The following DCHS2 variants were observed in gnomAD, a reference collection of about 807,000 sequenced individuals.
The protein encoded by DCHS2 is protocadherin-23.
DCHS2 carries 142 observed loss-of-function variants against 182.4 expected under a neutral mutation model. That is an observed-to-expected ratio of 0.78 (90% CI 0.68 to 0.89). The LOEUF is 0.89. Among genes scored for constraint, DCHS2 ranks in the 40% least tolerant of loss-of-function variants. DCHS2 has a pLI of 0.00. For missense variants in DCHS2, 4,319 were observed against 4,198.6 expected (o/e 1.03, Z -0.79); for synonymous variants, 1,740 against 1,663.3 (o/e 1.05, Z -1.12).
intron 1 of DCHS2, among the ~76,000 whole-genome samples, chr4:154,386,056 C>T (rs1561082824): frequency 6.6e-6 from 1 of 152,140 alleles, no homozygotes; most frequent in Non-Finnish European, 1.5e-5. Context: ...CCACTCCACC[C>T]CACAGTCTGC....
intron 5 of DCHS2, 28 bp from the exon 6 acceptor site, chr4:154,329,738 C>G: frequency 6.3e-7 from 1 of 1,587,548 alleles, no homozygotes; most frequent in Non-Finnish European, 8.6e-7. Context: ...GAACAAGACA[C>G]AGGCACTGTG....
At chr4:154,385,994 C>A (rs772251734) in intron 1 of DCHS2, among the ~76,000 whole-genome samples, 1 of 152,118 alleles carries the variant, frequency 6.6e-6, no homozygotes, top group Non-Finnish European at 1.5e-5. Context: ...TCTTAAGTGA[C>A]TAATTGGCAT....
chr4:154,249,559 T>G (rs1221678949), intron 16 of DCHS2, among the ~76,000 whole-genome samples: 9 of 152,284 alleles, frequency 5.9e-5, no homozygotes, highest in African/African-American at 2.2e-4. Context: ...CCAGCAATCC[T>G]ATTGCTGGGT....
intron 1 of DCHS2, among the ~76,000 whole-genome samples, chr4:154,404,944 C>T (rs1013144442): frequency 7.9e-5 from 12 of 152,138 alleles, no homozygotes; most frequent in Non-Finnish European, 1.6e-4. Context: ...AGAGTCCACC[C>T]ACTTTAAACA....
At chr4:154,251,789 G>A (rs1018447216) in intron 16 of DCHS2, among the ~76,000 whole-genome samples, 17 of 152,146 alleles carry the variant, frequency 1.1e-4, no homozygotes, top group East Asian at 3.9e-4. Flanking sequence ...AAAGTGCTAG[G>A]ATTACAGGCA....
At chr4:154,312,028 TTA>T (rs1735689084) in intron 10 of DCHS2, among the ~76,000 whole-genome samples, 2 of 151,942 alleles carry the variant, frequency 1.3e-5, no homozygotes, top group African/African-American at 4.8e-5. Flanking sequence ...TAGAGAAAAT[TTA>T]TATAGAGAGA....
intron 1 of DCHS2, among the ~76,000 whole-genome samples, chr4:154,442,077 C>T (rs116470158): frequency 1.0e-3 from 153 of 152,234 alleles, no homozygotes; most frequent in East Asian, 5.8e-3. Context: ...ATTATATCAT[C>T]GTCATCTGGG....
At chr4:154,303,504 A>AAT (rs58987527) in intron 12 of DCHS2, among the ~76,000 whole-genome samples, 1 of 137,206 alleles carries the variant, frequency 7.3e-6, no homozygotes, top group African/African-American at 2.6e-5. Flanking sequence ...AAAAAAAAAA[A>AAT]GCTGAAGATC....
intron 17 of DCHS2, 141 bp from the exon 18 acceptor site, chr4:154,240,964 A>C: frequency 2.3e-5 from 31 of 1,323,144 alleles, no homozygotes; most frequent in Non-Finnish European, 2.9e-5. Flanking sequence ...TACAAAGCTC[A>C]TTATGCACTG....
At position 154,231,935 on chromosome 4, in the gene DCHS2, A is replaced by T. The variant is rs944102299; in HGVS notation, c.*2601T>A. ...TGTTTTGGAAGCCAATTCAATGATTACTACTAGGACATGGAATTTTGATAT... is the reference window on the plus strand; with the variant it reads ...TGTTTTGGAAGCCAATTCAATGATTTCTACTAGGACATGGAATTTTGATAT... On this transcript the variant is annotated 3_prime_UTR_variant, in exon 20 of 20. Transcript: ENST00000357232. 1 of 152,132 alleles carries T rather than the reference A, an allele frequency of 6.6e-6. No homozygotes were observed. The highest frequency in any genetic ancestry group is 6.6e-5 in the Admixed American group (1 of 15,258). The allele number at this position is 152,132 out of a possible 1,614,324, so 9.4% of individuals were successfully genotyped here. A position where few individuals can be genotyped will look rare whatever the true frequency, so the allele number is the denominator to read the frequency against.
chr4:154,469,676 A>T (rs1247007333), intron 1 of DCHS2, among the ~76,000 whole-genome samples: 3 of 152,184 alleles, frequency 2.0e-5, no homozygotes, highest in African/African-American at 7.2e-5. Context: ...CTCCAACAGC[A>T]GTGGTCTTCC....
chr4:154,433,296 T>C (rs1733633663), intron 1 of DCHS2, among the ~76,000 whole-genome samples: 1 of 151,418 alleles, frequency 6.6e-6, no homozygotes, highest in African/African-American at 2.4e-5. Context: ...AGCTCAACCT[T>C]GGAGCCTTCA....
chr4:154,269,991 T>G lies in DCHS2; in HGVS notation c.6486A>C (p.Lys2162Asn), dbSNP rs1343909716. The change falls in exon 14 of 20, where the codon AAA (lysine) becomes AAC (asparagine). Residue 2162 changes from lysine (K) to asparagine (N), a missense_variant. Lys to Asn is a moderately conservative substitution (Grantham distance 94). Transcript: ENST00000357232. The part of the protein sequence containing the change: ...CEAGTSIVTV[K>N]AFAPDSIQDS... ...CCTGAATTGAGTCAGGAGCAAAAGC[T>G]TTAACAGTCACAATAGAAGTACCTG... 1 of 1,610,540 alleles carries G rather than the reference T, an allele frequency of 6.2e-7. No individual in the cohort carries two copies. The highest frequency in any genetic ancestry group is 1.3e-5 in the African/African-American group (1 of 74,702).
chr4:154,488,532 T>C (rs901458531), intron 1 of DCHS2, among the ~76,000 whole-genome samples: 4 of 152,184 alleles, frequency 2.6e-5, no homozygotes, highest in Non-Finnish European at 4.4e-5. Flanking sequence ...TATAAAGATA[T>C]ACACTTGGTC....
chr4:154,490,596 A>G lies in DCHS2; in HGVS notation c.760T>C (p.Leu254=), dbSNP rs187222891. The G allele has an allele frequency of 9.1e-5, 141 of 1,546,720 alleles. No homozygotes were observed. In the African/African-American group the frequency reaches 1.2e-3, roughly 13 times the overall value. ...TGCGCCGCCGCCTCCTCTCGGTCCA[A>G]GCGCCGCAGCAGCACCAGATCTAGA... is the stretch of plus-strand genomic sequence containing the variant. ...EPLDLVLLRR[L]DREEAAAHRL... Residue 254 remains leucine, a synonymous_variant, in exon 1 of 20, where the codon TTG becomes CTG. Transcript: ENST00000357232.
rs868134239 is a variant in DCHS2, at chr4:154,232,434, A to G, written c.*2102T>C. On this transcript the variant is annotated 3_prime_UTR_variant, in exon 20 of 20. Coordinates refer to ENST00000357232, the MANE Select transcript of DCHS2 (RefSeq NM_001358235.2). ...ATTACATGTCTTCTCTTGTTATGCA[A>G]TGGCTAGAAAACATACAGAATCACA... 2 of 152,282 alleles carry G rather than the reference A, an allele frequency of 1.3e-5. No homozygotes were observed. Among genetic ancestry groups the G allele is most frequent in the Middle Eastern group, 3.4e-3 (1 of 294 alleles). The allele number at this position is 152,282 out of a possible 1,614,324, so 9.4% of individuals were successfully genotyped here.
chr4:154,437,708 T>A (rs1733838984), intron 1 of DCHS2, among the ~76,000 whole-genome samples: 1 of 152,190 alleles, frequency 6.6e-6, no homozygotes, highest in African/African-American at 2.4e-5. Context: ...TTGACTGACT[T>A]ACAGTACCTC....
At chr4:154,308,619 C>T (rs192952188) in intron 10 of DCHS2, among the ~76,000 whole-genome samples, 25 of 152,156 alleles carry the variant, frequency 1.6e-4, no homozygotes, top group East Asian at 7.7e-4. Flanking sequence ...ATTAAATCAA[C>T]GAGTAATGGA....
At chr4:154,388,283 C>T (rs1251550083) in intron 1 of DCHS2, among the ~76,000 whole-genome samples, 1 of 150,946 alleles carries the variant, frequency 6.6e-6, no homozygotes, top group Non-Finnish European at 1.5e-5. Context: ...TATTTAAAGA[C>T]ACAATAAAAT....
Sources: allele counts gnomAD v4.1 joint callset (sites outside exome capture counted in the v4.1 genomes callset), GRCh38; gene constraint gnomAD v4.1.1; transcripts MANE v1.5; gene names NCBI Gene and HGNC (gene_info 2026-07-23, HGNC 2026-07-21).